CRB1: variants seen among roughly 807,000 people sequenced by gnomAD.
The protein encoded by CRB1 is protein crumbs homolog 1.
In CRB1, 83 loss-of-function variants were observed where a neutral mutation model predicts 120.0. The observed-to-expected ratio is 0.69, with a 90% confidence interval of 0.58 to 0.83. The LOEUF (loss-of-function observed/expected upper bound fraction) is 0.83, where lower values mean the gene tolerates loss of function less well. Among genes scored for constraint, CRB1 ranks in the 40% least tolerant of loss-of-function variants. The probability of loss-of-function intolerance (pLI) is 0.00; values close to 1 mark genes in which losing one functional copy is unlikely to be tolerated. For synonymous variants in CRB1, 625 were observed against 612.5 expected (o/e 1.02, Z -0.30); for missense variants, 1,699 against 1,687.6 (o/e 1.01, Z -0.12).
At chr1:197,354,896 C>G (rs186673552) in intron 4 of CRB1, among the ~76,000 whole-genome samples, 4 of 125,138 alleles carry the variant, frequency 3.2e-5, no homozygotes, top group African/African-American at 1.2e-4. Flanking sequence ...CATTTTACAG[C>G]GAGCCAATTG....
At chr1:197,378,239 T>C (rs1661751292) in intron 5 of CRB1, among the ~76,000 whole-genome samples, 1 of 152,190 alleles carries the variant, frequency 6.6e-6, no homozygotes, top group Non-Finnish European at 1.5e-5. Flanking sequence ...ATGATATAGA[T>C]GTCAGCCAAT....
At chr1:197,471,130 T>C (rs1377459126) in intron 11 of CRB1, among the ~76,000 whole-genome samples, 1 of 152,054 alleles carries the variant, frequency 6.6e-6, no homozygotes, top group Non-Finnish European at 1.5e-5. Flanking sequence ...GGAAATCATA[T>C]CAGAAGGTTC....
chr1:197,351,028 G>T (rs1660060665), intron 4 of CRB1, among the ~76,000 whole-genome samples: 1 of 151,780 alleles, frequency 6.6e-6, no homozygotes, highest in Non-Finnish European at 1.5e-5. Flanking sequence ...AAGCAAGAAA[G>T]GTGGCAGGCA....
chr1:197,272,694 A>G (rs1654972689), intron 1 of CRB1, among the ~76,000 whole-genome samples: 5 of 152,206 alleles, frequency 3.3e-5, no homozygotes, highest in South Asian at 4.1e-4. Context: ...TACATATTGT[A>G]TGATTCCAAT....
intron 5 of CRB1, chr1:197,357,442 T>A (rs763700958): frequency 4.6e-5 from 11 of 238,026 alleles, no homozygotes; most frequent in Non-Finnish European, 7.5e-5. Flanking sequence ...AACGATTCTG[T>A]AGCTAAAGTC....
Position 197,347,359 on chromosome 1 carries a change from G to A in CRB1, c.868G>A (p.Gly290Ser), listed in dbSNP as rs375379774. ...GENRYSCNCT[G>S]SGFTGTHCET... ...TTCCAGATATAGCTGTAACTGCACG[G>A]GTAGTGGATTCACAGGGACACACTG... Residue 290 changes from glycine (G) to serine (S), a missense_variant, in exon 4 of 12, where the codon GGT (glycine) becomes AGT (serine). Coordinates refer to ENST00000367400, the MANE Select transcript of CRB1 (RefSeq NM_201253.3). 6.2e-7 allele frequency: 1 copy of A among 1,613,896 alleles called. No homozygotes were observed. The highest frequency in any genetic ancestry group is 1.3e-5 in the African/African-American group (1 of 75,004).
At position 197,432,357 on chromosome 1, in the gene CRB1, A is replaced by AACAC. The variant is rs35921087; in HGVS notation, c.2843-2305_2843-2302dup. 3.3e-3 allele frequency among the ~76,000 whole-genome samples: 467 copies of AACAC among 139,834 alleles called. 1 individual carries two copies. Among genetic ancestry groups the AACAC allele is most frequent in the African/African-American group, 8.1e-3 (303 of 37,234 alleles). The allele number at this position is 139,834 out of a possible 152,430, so 91.7% of individuals were successfully genotyped here. On this transcript the variant is annotated intron_variant, in intron 8 of 11. Transcript: ENST00000367400. ...AATTCCCAACTCCAAACCTGGTTGAAACACACACACACACACACACACACA... is the reference window on the plus strand; with the variant it reads ...AATTCCCAACTCCAAACCTGGTTGAAACACACACACACACACACACACACACACA...
intron 11 of CRB1, among the ~76,000 whole-genome samples, chr1:197,475,849 T>A (rs773573102): frequency 4.6e-5 from 7 of 152,162 alleles, no homozygotes; most frequent in Non-Finnish European, 8.8e-5. Flanking sequence ...TCGGTCACAC[T>A]GGGTTTCTTA....
At chr1:197,408,879 T>C (rs561913385) in intron 5 of CRB1, among the ~76,000 whole-genome samples, 18 of 152,350 alleles carry the variant, frequency 1.2e-4, no homozygotes, top group East Asian at 1.9e-4. Context: ...ACTTTCTACT[T>C]GTTAGTCCGT....
At chr1:197,264,691 G>A (rs1039326304), upstream of CRB1, among the ~76,000 whole-genome samples, 4 of 147,878 alleles carry the variant, frequency 2.7e-5, no homozygotes, top group South Asian at 6.4e-4. Flanking sequence ...GCATGATCTC[G>A]GCTCACTGCA....
intron 5 of CRB1, among the ~76,000 whole-genome samples, chr1:197,358,575 T>C (rs937014752): frequency 6.6e-6 from 1 of 152,246 alleles, no homozygotes; most frequent in Non-Finnish European, 1.5e-5. Context: ...GTTTTACTCA[T>C]GTGAATTCCA....
chr1:197,320,366 G>T (rs967127879), intron 1 of CRB1, among the ~76,000 whole-genome samples: 79 of 152,264 alleles, frequency 5.2e-4, no homozygotes, highest in African/African-American at 1.8e-3. Flanking sequence ...TTCAGTGTGT[G>T]CCAGAATAGA....
At chr1:197,263,204 T>TA (rs905766455), upstream of CRB1, among the ~76,000 whole-genome samples, 11 of 151,734 alleles carry the variant, frequency 7.2e-5, no homozygotes, top group South Asian at 4.2e-4. Flanking sequence ...TTTTTTGACT[T>TA]AAAAAAAAAT....
At chr1:197,351,955 T>G (rs1660136678) in intron 4 of CRB1, among the ~76,000 whole-genome samples, 1 of 152,216 alleles carries the variant, frequency 6.6e-6, no homozygotes, top group Non-Finnish European at 1.5e-5. Context: ...AGGAGACCAT[T>G]TCTTCAGCTC....
At chr1:197,251,834 G>T in the CRB1 span, among the ~76,000 whole-genome samples, 3 of 152,028 alleles carry the variant, frequency 2.0e-5, no homozygotes, top group Admixed American at 2.0e-4. Context: ...TTGGTAATGT[G>T]GTGTTAAGTA....
intron 5 of CRB1, among the ~76,000 whole-genome samples, chr1:197,361,302 AGAGT>A (rs1346474407): frequency 2.2e-4 from 33 of 151,906 alleles, no homozygotes; most frequent in Admixed American, 2.2e-3. Flanking sequence ...TTTCTGGAAG[AGAGT>A]ATGTAAAATT....
intron 11 of CRB1, among the ~76,000 whole-genome samples, chr1:197,464,210 G>A (rs1332465413): frequency 6.6e-6 from 1 of 152,114 alleles, no homozygotes; most frequent in African/African-American, 2.4e-5. Context: ...TCAGTGGAAT[G>A]TAAATGCGTC....
chr1:197,347,175 G>A (rs1659822640), intron 3 of CRB1, among the ~76,000 whole-genome samples, 165 bp from the exon 4 acceptor site: 2 of 152,132 alleles, frequency 1.3e-5, no homozygotes, highest in South Asian at 4.2e-4. Flanking sequence ...CATTAATATG[G>A]AAATAAATCA....
chr1:197,454,311 G>A (rs1346967301), intron 11 of CRB1, among the ~76,000 whole-genome samples: 2 of 151,802 alleles, frequency 1.3e-5, no homozygotes, highest in Admixed American at 1.3e-4. Flanking sequence ...ACTTCAAATG[G>A]AGGAAAAATA....
Sources: gnomAD v4.1 joint callset for allele counts (sites outside exome capture counted in the v4.1 genomes callset) on GRCh38, gnomAD v4.1.1 for gene constraint, MANE v1.5 for transcripts, NCBI Gene and HGNC (gene_info 2026-07-23, HGNC 2026-07-21) for gene names.